FNDC3B: variants seen among roughly 807,000 people sequenced by gnomAD.
The protein encoded by FNDC3B is fibronectin type III domain-containing protein 3B.
In FNDC3B, 12 loss-of-function variants were observed where a neutral mutation model predicts 151.5. That is an observed-to-expected ratio of 0.08 (90% CI 0.05 to 0.13). The LOEUF is 0.13. Among genes scored for constraint, FNDC3B ranks in the 10% least tolerant of loss-of-function variants. FNDC3B has a pLI of 1.00. For missense variants in FNDC3B, 1,214 were observed against 1,505.3 expected, an observed-to-expected ratio of 0.81 and a Z score of 3.20; for synonymous variants, 528 against 549.0, an observed-to-expected ratio of 0.96 and a Z score of 0.54.
chr3:172,192,803 C>G (rs1485483930), intron 3 of FNDC3B, among the ~76,000 whole-genome samples: 1 of 152,044 alleles, frequency 6.6e-6, no homozygotes, highest in Non-Finnish European at 1.5e-5. Flanking sequence ...CTCCAGTGGA[C>G]TGACTTTAGT....
Position 172,397,562 on chromosome 3 carries a change from T to G in FNDC3B, c.*87T>G. On this transcript the variant is annotated 3_prime_UTR_variant, in exon 26 of 26. Transcript: ENST00000415807. Reference sequence around the variant, plus strand: ...TACTCCCCTTTTTAAAGCCCTTTTGTTTTTTGATTTATATACTCTGTTTTA... The same window carrying G: ...TACTCCCCTTTTTAAAGCCCTTTTGGTTTTTGATTTATATACTCTGTTTTA... The G allele has an allele frequency of 1.2e-6, 1 of 865,070 alleles. No individual in the cohort carries two copies. Among genetic ancestry groups the G allele is most frequent in the Non-Finnish European group, 1.7e-6 (1 of 583,418 alleles). 53.6% of individuals were successfully genotyped at this position (865,070 alleles called of 1,614,324 possible).
chr3:172,233,948 G>A (rs1421408117), intron 4 of FNDC3B, among the ~76,000 whole-genome samples: 1 of 152,194 alleles, frequency 6.6e-6, no homozygotes, highest in African/African-American at 2.4e-5. Context: ...TGGATTTGAA[G>A]CAATTTTATT....
intron 6 of FNDC3B, among the ~76,000 whole-genome samples, chr3:172,253,244 A>G (rs536531343): frequency 7.9e-5 from 12 of 152,370 alleles, no homozygotes; most frequent in African/African-American, 2.6e-4. Context: ...CCGAAAGATG[A>G]TAAGGGAAGG....
intron 6 of FNDC3B, among the ~76,000 whole-genome samples, chr3:172,269,433 A>C (rs1035218970): frequency 1.4e-5 from 2 of 142,138 alleles, no homozygotes; most frequent in Non-Finnish European, 1.5e-5. Context: ...TAATTAAAAA[A>C]AATTTTTTTT....
At chr3:172,046,242 A>C (rs532725242) in intron 1 of FNDC3B, among the ~76,000 whole-genome samples, 2 of 152,318 alleles carry the variant, frequency 1.3e-5, no homozygotes, top group East Asian at 3.9e-4. Context: ...AAGATATGCA[A>C]GTTTAGCATT....
chr3:172,174,288 A>G (rs149450891), intron 3 of FNDC3B, among the ~76,000 whole-genome samples: 1 of 152,196 alleles, frequency 6.6e-6, no homozygotes, highest in East Asian at 1.9e-4. Context: ...TTCCAGAAAT[A>G]ATTTGGTTTC....
At chr3:172,323,121 G>T (rs1480443492) in intron 11 of FNDC3B, among the ~76,000 whole-genome samples, 1 of 152,028 alleles carries the variant, frequency 6.6e-6, no homozygotes, top group Non-Finnish European at 1.5e-5. Flanking sequence ...GAAAGAAATT[G>T]AAAAATATTC....
intron 1 of FNDC3B, among the ~76,000 whole-genome samples, chr3:172,069,068 T>C (rs552077427): frequency 6.6e-6 from 1 of 152,336 alleles, no homozygotes; most frequent in Admixed American, 6.5e-5. Context: ...TATTCTGTGT[T>C]ACATATTTTC....
At chr3:172,356,770 C>T (rs1349997181) in intron 22 of FNDC3B, among the ~76,000 whole-genome samples, 3 of 152,070 alleles carry the variant, frequency 2.0e-5, no homozygotes, top group Non-Finnish European at 4.4e-5. Context: ...TGATTATTCT[C>T]TTCTTTCATG....
intron 9 of FNDC3B, among the ~76,000 whole-genome samples, chr3:172,299,932 T>C (rs759749168): frequency 6.6e-6 from 1 of 152,268 alleles, no homozygotes; most frequent in Non-Finnish European, 1.5e-5. Context: ...GAGGATGTAA[T>C]ATCTTATTAG....
chr3:172,242,030 G>A (rs4894530), intron 4 of FNDC3B, among the ~76,000 whole-genome samples: 1,544 of 152,332 alleles, frequency 0.01, 46 homozygotes, highest in Admixed American at 0.068. Context: ...AAACAAAGGG[G>A]CTACAGGCCC....
At chr3:172,125,947 A>C (rs772691253) in intron 2 of FNDC3B, among the ~76,000 whole-genome samples, 1 of 152,182 alleles carries the variant, frequency 6.6e-6, no homozygotes, top group Non-Finnish European at 1.5e-5. Flanking sequence ...TATGTTTCAA[A>C]AATCATGTGT....
intron 1 of FNDC3B, among the ~76,000 whole-genome samples, chr3:172,066,938 CAT>C (rs1258266403): frequency 6.6e-6 from 1 of 152,200 alleles, no homozygotes; most frequent in African/African-American, 2.4e-5. Context: ...CAGTAGCAGA[CAT>C]ATACAATACT....
chr3:172,383,689 A>G (rs1458438423), intron 25 of FNDC3B, among the ~76,000 whole-genome samples: 1 of 152,234 alleles, frequency 6.6e-6, no homozygotes, highest in African/African-American at 2.4e-5. Flanking sequence ...TGTAAATCAC[A>G]TAATAAACCC....
chr3:172,105,042 A>T (rs1199514642), intron 1 of FNDC3B, among the ~76,000 whole-genome samples: 1 of 152,212 alleles, frequency 6.6e-6, no homozygotes, highest in Non-Finnish European at 1.5e-5. Context: ...TTGACATTCC[A>T]TTAGTTGTAG....
chr3:172,393,250 C>T (rs1736111987), intron 25 of FNDC3B, among the ~76,000 whole-genome samples: 1 of 152,116 alleles, frequency 6.6e-6, no homozygotes, highest in South Asian at 2.1e-4. Flanking sequence ...AAACTTATAT[C>T]AGACAAAATA....
intron 23 of FNDC3B, among the ~76,000 whole-genome samples, chr3:172,369,093 T>C (rs1318149153): frequency 1.3e-5 from 2 of 152,208 alleles, no homozygotes; most frequent in African/African-American, 2.4e-5. Context: ...TAGTCAATCT[T>C]AGGCTAAAAT....
Position 172,150,538 on chromosome 3 carries a change from G to A in FNDC3B, c.187+16992G>A, listed in dbSNP as rs150347933. Among the ~76,000 whole-genome samples the A allele has an allele frequency of 9.2e-5, 14 of 151,790 alleles. No homozygotes were observed. The East Asian group carries it at 2.7e-3, about 29-fold the overall frequency. On this transcript the variant is annotated intron_variant, in intron 3 of 25. Transcript: ENST00000415807. ...CATTACACATAGTTGTCCTTTTCCA[G>A]TTGGTTTTTTAGGATTATTTGGTGT...
At chr3:172,065,395 A>G (rs1001333253) in intron 1 of FNDC3B, among the ~76,000 whole-genome samples, 9 of 152,070 alleles carry the variant, frequency 5.9e-5, no homozygotes, top group Non-Finnish European at 1.2e-4. Context: ...ATAGTAGTGG[A>G]CATACATAGG....
Sources: allele counts gnomAD v4.1 joint callset (sites outside exome capture counted in the v4.1 genomes callset), GRCh38; gene constraint gnomAD v4.1.1; transcripts MANE v1.5; gene names NCBI Gene and HGNC (gene_info 2026-07-23, HGNC 2026-07-21).